Variants in MOB4 observed in about 807,000 individuals in gnomAD.
MOB4 encodes MOB family member 4, phocein.
Under a neutral mutation model 32.2 loss-of-function variants are expected in MOB4, and 4 were observed. The observed-to-expected ratio is 0.12, with a 90% confidence interval of 0.06 to 0.28. MOB4 has a LOEUF of 0.28. MOB4 is among the 10% of genes least tolerant of loss of function. MOB4 has a pLI of 1.00. For missense variants in MOB4, 158 were observed against 271.2 expected (o/e 0.58, Z 2.93); for synonymous variants, 88 against 88.1 (o/e 1.00, Z 0.01).
chr2:197,516,039 C>T (rs1429684350), upstream of MOB4: 4 of 1,540,824 alleles, frequency 2.6e-6, no homozygotes, highest in Non-Finnish European at 3.5e-6. Context: ...GCGCAGGCTG[C>T]CGTCCCTACA....
rs140521920 is a variant in MOB4, at chr2:197,529,362, A to T, written c.123+5676A>T. On this transcript the variant is annotated intron_variant, in intron 2 of 7. Transcript: ENST00000323303. The stretch of plus-strand genomic sequence containing the variant: ...TTATTTTTATTTTATTTATTTATTT[A>T]TTTTTTTGAGATAGAGTCTCGCTCT... Among the ~76,000 whole-genome samples, 1,450 of 148,042 alleles carry T rather than the reference A, an allele frequency of 9.8e-3. 23 individuals carry two copies. Among genetic ancestry groups the T allele is most frequent in the African/African-American group, 0.034 (1,369 of 40,192 alleles).
intron 2 of MOB4, among the ~76,000 whole-genome samples, chr2:197,533,651 G>C (rs2086745835): frequency 6.7e-6 from 1 of 149,672 alleles, no homozygotes; most frequent in Non-Finnish European, 1.5e-5. Context: ...CTTGAACCCG[G>C]CAGGCGGAGG....
intron 2 of MOB4, among the ~76,000 whole-genome samples, chr2:197,529,119 A>C (rs910232187): frequency 6.6e-6 from 1 of 151,860 alleles, no homozygotes; most frequent in Non-Finnish European, 1.5e-5. Flanking sequence ...CTGGGATTAC[A>C]GGCATGCGCC....
rs144845662 is a variant in MOB4, at chr2:197,539,468, G to A, written c.225-643G>A. ...TGAATAGCTGAGATTGCAGGCACCC[G>A]CTATTATGCCCGGCTAATTTTTGTA... On this transcript the variant is annotated intron_variant, in intron 3 of 7. Coordinates refer to ENST00000323303, the MANE Select transcript of MOB4 (RefSeq NM_015387.5). 1.8e-3 allele frequency among the ~76,000 whole-genome samples: 279 copies of A among 152,036 alleles called. 1 individual carries two copies. The highest frequency in any genetic ancestry group is 6.3e-3 in the African/African-American group (262 of 41,476).
chr2:197,521,416 G>A (rs552238603), intron 1 of MOB4, among the ~76,000 whole-genome samples: 1 of 152,314 alleles, frequency 6.6e-6, no homozygotes, highest in Admixed American at 6.5e-5. Flanking sequence ...CAGGACCACA[G>A]GACCAGAGCA....
chr2:197,521,356 TTCACAAGGTAATAGAATA>T (rs1366549421), intron 1 of MOB4, among the ~76,000 whole-genome samples: 8 of 152,186 alleles, frequency 5.3e-5, no homozygotes, highest in African/African-American at 1.9e-4. Flanking sequence ...GATCACGTAC[TTCACAAGGTAATAGAATA>T]TCACAAGGGA....
chr2:197,550,189 C>A, intron 6 of MOB4, 86 bp from the exon 7 acceptor site: 4 of 1,272,842 alleles, frequency 3.1e-6, no homozygotes, highest in Middle Eastern at 2.9e-4. Context: ...GTGTCAGTTT[C>A]TACACTTGTA....
chr2:197,534,569 G>A (rs187051565), intron 2 of MOB4, among the ~76,000 whole-genome samples: 1 of 152,216 alleles, frequency 6.6e-6, no homozygotes, highest in African/African-American at 2.4e-5. Flanking sequence ...TTGAGATGGA[G>A]TCTCACTGTG....
chr2:197,526,247 A>G (rs2086609293), intron 2 of MOB4, among the ~76,000 whole-genome samples: 1 of 152,198 alleles, frequency 6.6e-6, no homozygotes, highest in Admixed American at 6.5e-5. Context: ...AGATCATAAA[A>G]TGGTGTTAAA....
intron 2 of MOB4, among the ~76,000 whole-genome samples, chr2:197,530,885 A>G (rs1436716972): frequency 5.9e-5 from 9 of 151,818 alleles, no homozygotes; most frequent in Non-Finnish European, 2.9e-5. Context: ...CTGAGCTACC[A>G]CACCTGGACT....
chr2:197,528,608 TTC>T (rs979836688), intron 2 of MOB4, among the ~76,000 whole-genome samples: 3 of 148,166 alleles, frequency 2.0e-5, no homozygotes, highest in African/African-American at 7.3e-5. Context: ...CTTTTTCTTT[TTC>T]TTTTTCTTTT....
intron 5 of MOB4, among the ~76,000 whole-genome samples, chr2:197,543,145 T>A (rs1409197968): frequency 6.6e-6 from 1 of 151,920 alleles, no homozygotes; most frequent in Non-Finnish European, 1.5e-5. Context: ...TACAAAAAAT[T>A]AGCTGAGTGT....
chr2:197,530,472 C>T (rs1459729655), intron 2 of MOB4, among the ~76,000 whole-genome samples: 1 of 151,960 alleles, frequency 6.6e-6, no homozygotes, highest in Non-Finnish European at 1.5e-5. Context: ...GCTATGTTGC[C>T]TAGGCTGGTC....
chr2:197,531,134 G>A (rs1217966390), intron 2 of MOB4, among the ~76,000 whole-genome samples: 3 of 149,922 alleles, frequency 2.0e-5, no homozygotes, highest in Non-Finnish European at 3.0e-5. Context: ...TGCAAGCTCC[G>A]CCTCCCAGGT....
intron 1 of MOB4, among the ~76,000 whole-genome samples, chr2:197,522,357 G>T (rs2086536192): frequency 1.9e-5 from 2 of 107,312 alleles, no homozygotes; most frequent in South Asian, 3.3e-4. Context: ...TTGAGATGGA[G>T]TCTTGCTCTG....
intron 3 of MOB4, among the ~76,000 whole-genome samples, chr2:197,537,003 G>C (rs2086810860): frequency 1.3e-5 from 2 of 152,156 alleles, no homozygotes; most frequent in South Asian, 4.1e-4. Context: ...GCCTGCCAAA[G>C]TGCTGGGATT....
intron 6 of MOB4, among the ~76,000 whole-genome samples, chr2:197,548,944 T>G (rs1265569863): frequency 1.3e-5 from 2 of 152,186 alleles, no homozygotes; most frequent in Admixed American, 6.5e-5. Flanking sequence ...GAGCAGACTT[T>G]CTGGCTGGGC....
intron 6 of MOB4, 40 bp from the exon 7 acceptor site, chr2:197,550,235 A>G: frequency 1.3e-6 from 2 of 1,560,216 alleles, no homozygotes; most frequent in South Asian, 1.2e-5. Context: ...CTAAGATTCT[A>G]TCCAGTTCTA....
intron 5 of MOB4, among the ~76,000 whole-genome samples, chr2:197,541,306 A>G (rs1355560718): frequency 6.6e-6 from 1 of 152,082 alleles, no homozygotes; most frequent in East Asian, 1.9e-4. Flanking sequence ...TTGTTTATGC[A>G]TTGCTTTTCC....
Sources: gnomAD v4.1 joint callset for allele counts (sites outside exome capture counted in the v4.1 genomes callset) on GRCh38, gnomAD v4.1.1 for gene constraint, MANE v1.5 for transcripts, NCBI Gene and HGNC (gene_info 2026-07-23, HGNC 2026-07-21) for gene names.